The following SHTN1 variants were observed in gnomAD, a reference collection of about 807,000 sequenced individuals.
The protein encoded by SHTN1 is shootin 1.
Under a neutral mutation model 83.1 loss-of-function variants are expected in SHTN1, and 42 were observed. That is an observed-to-expected ratio of 0.51 (90% confidence interval 0.39 to 0.65). The LOEUF is 0.65. Among genes scored for constraint, SHTN1 ranks in the 30% least tolerant of loss-of-function variants. The pLI is 0.00. For synonymous variants in SHTN1, 224 were observed against 247.7 expected (o/e 0.90, Z 0.90); for missense variants, 622 against 737.8 (o/e 0.84, Z 1.82).
chr10:116,891,824 A>T lies in SHTN1; in HGVS notation c.1674-5258T>A, dbSNP rs114557651. Among the ~76,000 whole-genome samples, 1,243 of 152,342 alleles carry T rather than the reference A, an allele frequency of 8.2e-3. 17 individuals are homozygous for T. The highest frequency in any genetic ancestry group is 0.028 in the African/African-American group (1,176 of 41,570). On this transcript the variant is annotated intron_variant, in intron 16 of 16. Coordinates refer to ENST00000355371, the MANE Select transcript of SHTN1 (RefSeq NM_001127211.3). Reference sequence around the variant, plus strand: ...AACTTTCTATATTACTACCGATTCTAGCATTATTTTAAAATATAATAAAGG... The same window carrying T: ...AACTTTCTATATTACTACCGATTCTTGCATTATTTTAAAATATAATAAAGG...
Position 117,053,024 on chromosome 10 carries a change from A to AAAAAAAAAAAAAAAAAG in SHTN1, c.-188-4515_-188-4514insCTTTTTTTTTTTTTTTT, listed in dbSNP as rs1554934278. Among the ~76,000 whole-genome samples the AAAAAAAAAAAAAAAAAG allele has an allele frequency of 3.3e-4, 17 of 51,368 alleles. 7 individuals are homozygous for AAAAAAAAAAAAAAAAAG. The South Asian group carries it at 4.1e-3, about 13-fold the overall frequency. 33.7% of individuals were successfully genotyped at this position (51,368 alleles called of 152,430 possible). A position where few individuals can be genotyped will look rare whatever the true frequency, so the allele number is the denominator to read the frequency against. ...AACAGAGCAAGACTGTGTCTCAAAAAAAAAAAGAATTAAGAATTAAGTTGG... is the reference window on the plus strand; with the variant it reads ...AACAGAGCAAGACTGTGTCTCAAAAAAAAAAAAAAAAAAAAAGAAAAAAGAATTAAGAATTAAGTTGG... On this transcript the variant is annotated intron_variant, in intron 1 of 17. Coordinates refer to the SHTN1 transcript ENST00000392901.
At chr10:116,990,283 C>CTT (rs1462733730) in intron 1 of SHTN1, among the ~76,000 whole-genome samples, 2 of 56,302 alleles carry the variant, frequency 3.6e-5, no homozygotes, top group Admixed American at 2.8e-4. Flanking sequence ...TTTCTTTTTT[C>CTT]TTTCTTTTTT....
chr10:116,970,341 A>T (rs996116603), intron 2 of SHTN1, among the ~76,000 whole-genome samples: 1 of 152,232 alleles, frequency 6.6e-6, no homozygotes, highest in Non-Finnish European at 1.5e-5. Context: ...TTTTAATAAT[A>T]GTACATCATG....
intron 3 of SHTN1, among the ~76,000 whole-genome samples, chr10:116,963,371 C>A (rs1208807415): frequency 6.6e-6 from 1 of 151,608 alleles, no homozygotes; most frequent in Non-Finnish European, 1.5e-5. Context: ...CGCGCCCGGC[C>A]ATAATAAAAG....
chr10:117,064,771 A>C (rs1229378031), intron 1 of SHTN1, among the ~76,000 whole-genome samples: 1 of 152,170 alleles, frequency 6.6e-6, no homozygotes, highest in Non-Finnish European at 1.5e-5. Context: ...TGTGGTGTTC[A>C]GAAGAAAGCC....
At chr10:117,069,900 A>G (rs1853056539) in intron 1 of SHTN1, among the ~76,000 whole-genome samples, 1 of 152,222 alleles carries the variant, frequency 6.6e-6, no homozygotes, top group Non-Finnish European at 1.5e-5. Context: ...TATCTAGCCA[A>G]CAGATTGTAC....
intron 16 of SHTN1, among the ~76,000 whole-genome samples, chr10:116,895,875 A>C (rs1181975263): frequency 1.3e-5 from 2 of 152,170 alleles, no homozygotes; most frequent in Non-Finnish European, 2.9e-5. Context: ...ATAATGTCCA[A>C]TCTATAGGTT....
intron 1 of SHTN1, among the ~76,000 whole-genome samples, chr10:117,003,756 T>C (rs1242988097): frequency 6.6e-6 from 1 of 152,152 alleles, no homozygotes; most frequent in Non-Finnish European, 1.5e-5. Flanking sequence ...TGCAACTAAA[T>C]ACCAGGTTTT....
intron 1 of SHTN1, among the ~76,000 whole-genome samples, chr10:117,055,853 G>C (rs1852819161): frequency 6.6e-6 from 1 of 152,188 alleles, no homozygotes; most frequent in African/African-American, 2.4e-5. Flanking sequence ...GAGCGACAGA[G>C]CAAGACCCTG....
At chr10:116,974,000 C>T (rs1031750174) in intron 2 of SHTN1, 27 of 1,115,942 alleles carry the variant, frequency 2.4e-5, no homozygotes, top group African/African-American at 3.2e-5. Flanking sequence ...GAATACAACA[C>T]ATTAAATCAT....
At chr10:117,083,297 CT>C in intron 1 of SHTN1, among the ~76,000 whole-genome samples, 1 of 146,606 alleles carries the variant, frequency 6.8e-6, no homozygotes. Flanking sequence ...ACTTATGAAG[CT>C]TAGTTTGGCT....
chr10:117,123,266 C>A (rs982510248), intron 1 of SHTN1, among the ~76,000 whole-genome samples: 6 of 152,092 alleles, frequency 3.9e-5, no homozygotes, highest in African/African-American at 1.4e-4. Context: ...CCTCCCAATA[C>A]GTGGGTTCTT....
At chr10:117,026,423 CT>C (rs56269054) in intron 2 of SHTN1, among the ~76,000 whole-genome samples, 7,896 of 143,348 alleles carry the variant, frequency 0.055, 661 homozygotes, top group African/African-American at 0.18. Context: ...AGATAGACTT[CT>C]TTTTTTTTTT....
In SHTN1 at chr10:117,026,160, C is replaced by A. The variant is rs74236861; in HGVS notation, c.-123+22285G>T. ...TTGGCTCTTAGATGGCATTACTGAACCTGACCTACGTCACAGAGGAGCCCA... is the reference window on the plus strand; with the variant it reads ...TTGGCTCTTAGATGGCATTACTGAAACTGACCTACGTCACAGAGGAGCCCA... On this transcript the variant is annotated intron_variant, in intron 2 of 17. Coordinates refer to the SHTN1 transcript ENST00000392901. Among the ~76,000 whole-genome samples, 25 of 152,118 alleles carry A rather than the reference C, an allele frequency of 1.6e-4. No homozygotes were observed. The East Asian group carries it at 4.9e-3, about 30-fold the overall frequency.
At chr10:117,066,709 T>C (rs1404844670) in intron 1 of SHTN1, among the ~76,000 whole-genome samples, 1 of 152,170 alleles carries the variant, frequency 6.6e-6, no homozygotes, top group African/African-American at 2.4e-5. Flanking sequence ...AGCTATCACA[T>C]ACAATACTTA....
intron 9 of SHTN1, among the ~76,000 whole-genome samples, chr10:116,933,708 G>A (rs1849053578): frequency 6.6e-6 from 1 of 152,128 alleles, no homozygotes; most frequent in African/African-American, 2.4e-5. Flanking sequence ...AGGTCAAATG[G>A]TATTTCTGGT....
In SHTN1 at chr10:116,983,259, A is replaced by G. The variant is rs560263130; in HGVS notation, c.59-3951T>C. Reference sequence around the variant, plus strand: ...GTTGTTATTAAGAGTAAATGAGTTAACATATAAAAGAGTATTTGGGCTTAT... The same window carrying G: ...GTTGTTATTAAGAGTAAATGAGTTAGCATATAAAAGAGTATTTGGGCTTAT... On this transcript the variant is annotated intron_variant, in intron 1 of 16. Transcript: ENST00000355371. 9.2e-5 allele frequency among the ~76,000 whole-genome samples: 14 copies of G among 152,294 alleles called. No individual in the cohort carries two copies. In the East Asian group the frequency reaches 2.7e-3, roughly 29 times the overall value.
At chr10:117,030,078 G>T (rs763786597) in intron 2 of SHTN1, among the ~76,000 whole-genome samples, 1 of 151,902 alleles carries the variant, frequency 6.6e-6, no homozygotes, top group Non-Finnish European at 1.5e-5. Flanking sequence ...TAGTAGAGAC[G>T]GGGTTTCACC....
chr10:116,930,034 T>G, intron 9 of SHTN1, 32 bp from the exon 10 acceptor site: 3 of 1,423,722 alleles, frequency 2.1e-6, no homozygotes, highest in Non-Finnish European at 2.8e-6. Flanking sequence ...AAGACTTTTA[T>G]GGCTGACAGT....
Sources: gnomAD v4.1 joint callset for allele counts (sites outside exome capture counted in the v4.1 genomes callset) on GRCh38, gnomAD v4.1.1 for gene constraint, MANE v1.5 for transcripts, NCBI Gene and HGNC (gene_info 2026-07-23, HGNC 2026-07-21) for gene names.